Variants in ATF1 observed in about 807,000 individuals in gnomAD.
ATF1 encodes the protein cyclic AMP-dependent transcription factor ATF-1.
ATF1 carries 16 observed loss-of-function variants against 34.7 expected under a neutral mutation model. The ratio of observed to expected loss-of-function variants is 0.46; its 90% CI spans 0.31 to 0.70. The LOEUF (loss-of-function observed/expected upper bound fraction) is 0.70, where lower values mean the gene tolerates loss of function less well. Among genes scored for constraint, ATF1 ranks in the 30% least tolerant of loss-of-function variants. ATF1 has a pLI of 0.05. For missense variants in ATF1, 255 were observed against 321.6 expected (o/e 0.79, Z 1.58); for synonymous variants, 105 against 113.1 (o/e 0.93, Z 0.46).
intron 2 of ATF1, among the ~76,000 whole-genome samples, chr12:50,782,276 G>A (rs1941081586): frequency 6.6e-6 from 1 of 151,882 alleles, no homozygotes; most frequent in South Asian, 2.1e-4. Context: ...TGTTTTTTGA[G>A]ACAGTGTCTC....
At chr12:50,811,538 C>T (rs1231195182) in intron 4 of ATF1, among the ~76,000 whole-genome samples, 4 of 149,076 alleles carry the variant, frequency 2.7e-5, no homozygotes, top group East Asian at 4.0e-4. Context: ...AATCTCAGTA[C>T]GTTGAGAGGC....
chr12:50,784,780 G>A (rs1439354543), intron 2 of ATF1, among the ~76,000 whole-genome samples: 1 of 152,112 alleles, frequency 6.6e-6, no homozygotes, highest in Non-Finnish European at 1.5e-5. Flanking sequence ...GGACCAGTGT[G>A]GTAGCTGGGG....
chr12:50,783,982 G>A (rs1941128722), intron 2 of ATF1, among the ~76,000 whole-genome samples: 1 of 151,776 alleles, frequency 6.6e-6, no homozygotes, highest in Middle Eastern at 3.2e-3. Context: ...GCAACATAGT[G>A]AGACTCTGTC....
At chr12:50,785,284 T>C (rs866347096) in intron 2 of ATF1, among the ~76,000 whole-genome samples, 9 of 128,434 alleles carry the variant, frequency 7.0e-5, no homozygotes, top group Admixed American at 2.5e-4. Flanking sequence ...TATATATACA[T>C]ACACACACAC....
chr12:50,814,906 G>A (rs1374627782), intron 6 of ATF1, among the ~76,000 whole-genome samples: 1 of 151,258 alleles, frequency 6.6e-6, no homozygotes, highest in East Asian at 1.9e-4. Context: ...CAGATCACGA[G>A]GTCAGGAGAT....
At chr12:50,789,991 C>T (rs569520480) in intron 2 of ATF1, among the ~76,000 whole-genome samples, 1 of 152,026 alleles carries the variant, frequency 6.6e-6, no homozygotes, top group Admixed American at 6.6e-5. Context: ...CCTGACAGAC[C>T]CATAGCCTGC....
intron 6 of ATF1, among the ~76,000 whole-genome samples, chr12:50,817,633 A>G (rs1941870229): frequency 6.6e-6 from 1 of 152,202 alleles, no homozygotes; most frequent in Admixed American, 6.5e-5. Flanking sequence ...ACTTGCCCCA[A>G]CATTTCTACT....
intron 1 of ATF1, among the ~76,000 whole-genome samples, chr12:50,774,423 C>A (rs1465555448): frequency 1.3e-5 from 2 of 152,178 alleles, no homozygotes; most frequent in Non-Finnish European, 2.9e-5. Flanking sequence ...TCCTTCTATT[C>A]CCATTGATGG....
intron 2 of ATF1, among the ~76,000 whole-genome samples, chr12:50,789,783 G>A (rs547394089): frequency 6.6e-6 from 1 of 152,112 alleles, no homozygotes; most frequent in East Asian, 1.9e-4. Flanking sequence ...AAAAGATTGG[G>A]GGACCAGGTC....
chr12:50,810,434 T>C (rs1410362614), intron 4 of ATF1, among the ~76,000 whole-genome samples: 1 of 151,034 alleles, frequency 6.6e-6, no homozygotes, highest in Admixed American at 6.6e-5. Flanking sequence ...GCCAGGCTGG[T>C]CTCAAACTCC....
intron 2 of ATF1, among the ~76,000 whole-genome samples, chr12:50,783,895 C>T (rs976965725): frequency 5.4e-5 from 8 of 149,256 alleles, no homozygotes; most frequent in East Asian, 2.0e-4. Context: ...TGGCTGGCCA[C>T]GGTGGCTCAC....
chr12:50,803,306 C>T (rs1555202262), intron 3 of ATF1, among the ~76,000 whole-genome samples: 1 of 151,518 alleles, frequency 6.6e-6, no homozygotes, highest in Non-Finnish European at 1.5e-5. Flanking sequence ...AAAAATTTCT[C>T]CAAAGAAGAT....
rs1430617808 is a variant in ATF1, at chr12:50,794,106, AG to A, written c.94-1801del. Among the ~76,000 whole-genome samples the A allele has an allele frequency of 5.9e-5, 9 of 151,674 alleles. No homozygotes were observed. The East Asian group carries it at 1.4e-3, about 23-fold the overall frequency. On this transcript the variant is annotated intron_variant, in intron 2 of 6. Transcript: ENST00000262053. The stretch of plus-strand genomic sequence containing the variant: ...GCTGGGACTACAGGCGCCTACCACC[AG>A]GCCCGGCTAATTTTTTGTATTTTTA...
chr12:50,796,194 A>G (rs1394683068), intron 3 of ATF1, among the ~76,000 whole-genome samples, 185 bp downstream of exon 3: 1 of 152,210 alleles, frequency 6.6e-6, no homozygotes, highest in Non-Finnish European at 1.5e-5. Flanking sequence ...CAGGAGTTCA[A>G]GACCAGCCTG....
chr12:50,769,185 G>T (rs1451442329), intron 1 of ATF1, among the ~76,000 whole-genome samples: 1 of 152,086 alleles, frequency 6.6e-6, no homozygotes, highest in Non-Finnish European at 1.5e-5. Context: ...GGAAATGTGG[G>T]GTTTTTTGGC....
At chr12:50,773,897 G>A (rs949000188) in intron 1 of ATF1, among the ~76,000 whole-genome samples, 6 of 151,924 alleles carry the variant, frequency 3.9e-5, no homozygotes, top group East Asian at 1.9e-4. Context: ...GCCGGTAATC[G>A]CCATTTGACT....
At chr12:50,800,222 A>G (rs73096874) in intron 3 of ATF1, among the ~76,000 whole-genome samples, 8,588 of 152,274 alleles carry the variant, frequency 0.056, 307 homozygotes, top group Non-Finnish European at 0.086. Flanking sequence ...CTAAAAGAAA[A>G]AAGAATTATC....
At chr12:50,773,546 C>T (rs538860550) in intron 1 of ATF1, among the ~76,000 whole-genome samples, 1 of 143,672 alleles carries the variant, frequency 7.0e-6, no homozygotes, top group South Asian at 2.3e-4. Flanking sequence ...GCCTCCTGGG[C>T]AGCCTCCCAA....
At chr12:50,800,352 AAAC>A (rs1941488337) in intron 3 of ATF1, among the ~76,000 whole-genome samples, 1 of 152,236 alleles carries the variant, frequency 6.6e-6, no homozygotes, top group Admixed American at 6.5e-5. Context: ...ACCTGCTGTA[AAAC>A]AACTGCTAAG....
Sources: gnomAD v4.1 joint callset for allele counts (sites outside exome capture counted in the v4.1 genomes callset) on GRCh38, gnomAD v4.1.1 for gene constraint, MANE v1.5 for transcripts, NCBI Gene and HGNC (gene_info 2026-07-23, HGNC 2026-07-21) for gene names.